Variants in TBC1D8 observed in about 807,000 individuals in gnomAD.
TBC1D8 encodes BUB2-like protein 1.
A neutral mutation model predicts 118.8 loss-of-function variants in TBC1D8; 65 were observed. That is an observed-to-expected ratio of 0.55 (90% CI 0.45 to 0.67). The LOEUF (loss-of-function observed/expected upper bound fraction) is 0.67. Among genes scored for constraint, TBC1D8 ranks in the 30% least tolerant of loss-of-function variants. The probability of loss-of-function intolerance (pLI) is 0.00; values close to 1 mark genes in which losing one functional copy is unlikely to be tolerated. For missense variants in TBC1D8, 1,376 were observed against 1,471.2 expected (o/e 0.94, Z 1.06); for synonymous variants, 566 against 595.8 (o/e 0.95, Z 0.73).
At chr2:101,086,461 A>G (rs1393915507) in intron 2 of TBC1D8, among the ~76,000 whole-genome samples, 2 of 152,196 alleles carry the variant, frequency 1.3e-5, no homozygotes, top group South Asian at 2.1e-4. Context: ...ATGTTCCAAA[A>G]CATGTAACAC....
chr2:101,037,479 C>T (rs1194552144), intron 8 of TBC1D8, 53 bp downstream of exon 8: 30 of 1,585,918 alleles, frequency 1.9e-5, no homozygotes, highest in African/African-American at 1.3e-5. Context: ...GGCAACCCCC[C>T]CAAGCCCACG....
In TBC1D8 at chr2:101,028,395, G is replaced by GC; in HGVS notation, c.2259dup (p.Pro754AlafsTer21). The GC allele has an allele frequency of 6.2e-7, 1 of 1,605,290 alleles. No homozygotes were observed. Among genetic ancestry groups the GC allele is most frequent in the Non-Finnish European group, 8.5e-7 (1 of 1,175,878 alleles). ...AAGGCATGGTGGCTGCCAACTGGGGGCCCTGGGCTGTCCTCATTCTTAATG... is the reference window on the plus strand; with the variant it reads ...AAGGCATGGTGGCTGCCAACTGGGGGCCCCTGGGCTGTCCTCATTCTTAATG... On this transcript the variant is annotated frameshift_variant, in exon 13 of 20. Coordinates refer to ENST00000409318, the MANE Select transcript of TBC1D8 (RefSeq NM_001330348.2). LOFTEE classifies it high-confidence loss of function.
intron 11 of TBC1D8, among the ~76,000 whole-genome samples, chr2:101,031,567 C>A (rs1329151788): frequency 6.6e-6 from 1 of 152,184 alleles, no homozygotes; most frequent in African/African-American, 2.4e-5. Context: ...CATCACCAGC[C>A]CAGAACCATT....
intron 2 of TBC1D8, among the ~76,000 whole-genome samples, chr2:101,062,632 A>G (rs1025665957): frequency 3.3e-5 from 5 of 152,144 alleles, no homozygotes; most frequent in African/African-American, 7.2e-5. Flanking sequence ...ATAAAAAGCT[A>G]TATTTGAATC....
intron 2 of TBC1D8, among the ~76,000 whole-genome samples, chr2:101,073,766 T>C (rs541806430): frequency 1.3e-5 from 2 of 152,348 alleles, no homozygotes; most frequent in South Asian, 4.1e-4. Context: ...TTAACCAACA[T>C]CTGCTAGCTT....
chr2:101,016,859 A>G (rs929986782), intron 17 of TBC1D8, among the ~76,000 whole-genome samples: 14 of 151,480 alleles, frequency 9.2e-5, no homozygotes, highest in African/African-American at 3.2e-4. Flanking sequence ...TCACTCATAG[A>G]TGGGAATTGA....
chr2:101,011,130 T>C (rs1679178280), intron 18 of TBC1D8, 104 bp from the exon 19 acceptor site: 1 of 1,100,034 alleles, frequency 9.1e-7, no homozygotes, highest in African/African-American at 1.6e-5. Flanking sequence ...GGAATTCCAC[T>C]AAGCAAATTC....
At chr2:101,134,038 C>A (rs1338013460) in intron 1 of TBC1D8, among the ~76,000 whole-genome samples, 1 of 152,190 alleles carries the variant, frequency 6.6e-6, no homozygotes, top group African/African-American at 2.4e-5. Context: ...CCTCCCTCGA[C>A]ATGTGGGGAT....
At chr2:101,027,259 G>T in intron 15 of TBC1D8, 124 bp downstream of exon 15, 1 of 799,846 alleles carries the variant, frequency 1.3e-6, no homozygotes, top group Non-Finnish European at 2.0e-6. Context: ...TTCAAGGGGG[G>T]CAGCTCCGGC....
chr2:101,053,837 G>A (rs1023434734), intron 4 of TBC1D8, among the ~76,000 whole-genome samples: 4 of 152,168 alleles, frequency 2.6e-5, no homozygotes, highest in Non-Finnish European at 5.9e-5. Context: ...ATAACACTAT[G>A]TTTTCTAAAC....
intron 1 of TBC1D8, among the ~76,000 whole-genome samples, chr2:101,147,958 T>C (rs1334179667): frequency 6.6e-6 from 1 of 152,122 alleles, no homozygotes; most frequent in Non-Finnish European, 1.5e-5. Flanking sequence ...AAGCAGAAGT[T>C]TGGAAACATC....
intron 1 of TBC1D8, among the ~76,000 whole-genome samples, chr2:101,114,348 T>C (rs1359333906): frequency 6.7e-6 from 1 of 148,922 alleles, no homozygotes; most frequent in Non-Finnish European, 1.5e-5. Context: ...AGGGCTGGGA[T>C]CCTTTATCGG....
intron 8 of TBC1D8, among the ~76,000 whole-genome samples, 174 bp from the exon 9 acceptor site, chr2:101,036,342 A>T (rs1325617030): frequency 6.6e-6 from 1 of 152,222 alleles, no homozygotes; most frequent in Non-Finnish European, 1.5e-5. Flanking sequence ...TACTGGGGGC[A>T]CAGAGGATGC....
At chr2:101,009,181 C>A (rs1366837176) in intron 19 of TBC1D8, among the ~76,000 whole-genome samples, 1 of 152,082 alleles carries the variant, frequency 6.6e-6, no homozygotes, top group Non-Finnish European at 1.5e-5. Flanking sequence ...ATCACGAGGT[C>A]AGGAGATTGA....
Position 101,037,722 on chromosome 2 carries a change from G to T in TBC1D8, c.1276-14C>A, listed in dbSNP as rs371772864. On this transcript the variant is annotated splice_polypyrimidine_tract_variant and intron_variant, in intron 7 of 19. Transcript: ENST00000409318. ...CACGAGTGAAGCCTGCACAGCAAGA[G>T]AGACAGAGACAGAGAGAGAGAGGAG... The T allele has an allele frequency of 1.0e-4, 163 of 1,610,926 alleles. No individual in the cohort carries two copies. The highest frequency in any genetic ancestry group is 1.3e-4 in the Non-Finnish European group (153 of 1,179,842).
In TBC1D8 at chr2:101,034,685, T is replaced by C. The variant is rs369356011; in HGVS notation, c.1604-927A>G. On this transcript the variant is annotated intron_variant, in intron 9 of 19. Transcript: ENST00000409318. ...TATGCGTTAGAGAGACCTAGAGGAA[T>C]GCAGACCTTGGGCAGTGACACGCCT... Among the ~76,000 whole-genome samples the C allele has an allele frequency of 5.3e-4, 80 of 152,342 alleles. 1 individual carries two copies. The highest frequency in any genetic ancestry group is 1.9e-3 in the African/African-American group (78 of 41,578).
In TBC1D8 at chr2:101,007,995, G is replaced by A. The variant is rs762378860; in HGVS notation, c.3294C>T (p.Val1098=). The A allele has an allele frequency of 1.2e-6, 2 of 1,613,908 alleles. No individual in the cohort carries two copies. The highest frequency in any genetic ancestry group is 2.2e-5 in the East Asian group (1 of 44,896). The change falls in exon 20 of 20, where the codon GTC becomes GTT. Residue 1098 remains valine, a synonymous_variant. Transcript: ENST00000409318. The part of the protein sequence containing the change: ...FPEAAERDWT[V]SLEHILASLL... The stretch of plus-strand genomic sequence containing the variant: ...GTGAAGCTAAAATATGTTCAAGGGA[G>A]ACAGTCCAGTCCCTTTCTGCCGCCT...
chr2:101,114,367 A>C (rs1677731155), intron 1 of TBC1D8, among the ~76,000 whole-genome samples: 1 of 152,192 alleles, frequency 6.6e-6, no homozygotes, highest in South Asian at 2.1e-4. Context: ...GGTTCGCAAC[A>C]CCTGGCATAA....
At position 101,118,558 on chromosome 2, in the gene TBC1D8, T is replaced by G. The variant is rs185804040; in HGVS notation, c.128-28194A>C. ...AAAAATACAAAAAAATTAGCCAGGC[T>G]TGGTGGCAGGCACCTGTAGTCCCAA... On this transcript the variant is annotated intron_variant, in intron 1 of 19. Transcript: ENST00000409318. 1.2e-3 allele frequency among the ~76,000 whole-genome samples: 182 copies of G among 151,956 alleles called. No homozygotes were observed. In the South Asian group the frequency reaches 0.016, roughly 13 times the overall value.
Sources: gnomAD v4.1 joint callset for allele counts (sites outside exome capture counted in the v4.1 genomes callset) on GRCh38, gnomAD v4.1.1 for gene constraint, MANE v1.5 for transcripts, NCBI Gene and HGNC (gene_info 2026-07-23, HGNC 2026-07-21) for gene names.